ITGA10: variants seen among roughly 807,000 people sequenced by gnomAD.
ITGA10 encodes the protein integrin alpha-10.
ITGA10 carries 105 observed loss-of-function variants against 145.2 expected under a neutral mutation model. That is an observed-to-expected ratio of 0.72 (90% CI 0.62 to 0.85). The LOEUF (loss-of-function observed/expected upper bound fraction) is 0.85. Ranked by LOEUF, ITGA10 falls within the 40% of genes least tolerant of loss-of-function variation. The pLI, the probability that ITGA10 is intolerant of heterozygous loss-of-function variation, is 0.00. For synonymous variants in ITGA10, 506 were observed against 557.8 expected, an observed-to-expected ratio of 0.91 and a Z score of 1.31; for missense variants, 1,317 against 1,444.5, an observed-to-expected ratio of 0.91 and a Z score of 1.43.
At chr1:145,895,922 G>T in intron 25 of ITGA10, 61 bp downstream of exon 25, 3 of 1,332,208 alleles carry the variant, frequency 2.3e-6, no homozygotes, top group African/African-American at 1.4e-5. Flanking sequence ...GTGGTGTCCA[G>T]CTTCAGTGAG....
At position 145,901,086 on chromosome 1, in the gene ITGA10, T is replaced by C. The variant is rs587630215; in HGVS notation, c.1587+49A>G. ...TGTGCACCTTCCCTCCTTTCCTCCC[T>C]CCACCCCCACAATGCAAGTCCAGGG... is the stretch of plus-strand genomic sequence containing the variant. On this transcript the variant is annotated intron_variant, in intron 13 of 29. Transcript: ENST00000369304. This position sits in a 1 kb window ranked among gnomAD's most constrained non-coding sequence, Gnocchi z 4.3. 1.9e-6 allele frequency: 3 copies of C among 1,612,840 alleles called. No homozygotes were observed. Among genetic ancestry groups the C allele is most frequent in the African/African-American group, 1.3e-5 (1 of 74,922 alleles).
rs1385807904 is a variant in ITGA10 at position 145,902,036 on chromosome 1, C to T, written c.1150-15G>A. 6 of 1,613,530 alleles carry T rather than the reference C, an allele frequency of 3.7e-6. No homozygotes were observed. Among genetic ancestry groups the T allele is most frequent in the Non-Finnish European group, 5.1e-6 (6 of 1,179,838 alleles). On this transcript the variant is annotated splice_polypyrimidine_tract_variant and intron_variant, in intron 10 of 29. Coordinates refer to ENST00000369304, the MANE Select transcript of ITGA10 (RefSeq NM_003637.5). ...AGAATCCCATCCTGTGGGACAGAAGCAGATGGGGTCACTGAGAAGACAGTG... is the reference window on the plus strand; with the variant it reads ...AGAATCCCATCCTGTGGGACAGAAGTAGATGGGGTCACTGAGAAGACAGTG...
chr1:145,902,767 C>T (rs1553749440), intron 8 of ITGA10, 44 bp downstream of exon 8: 6 of 1,580,208 alleles, frequency 3.8e-6, no homozygotes, highest in South Asian at 1.2e-5. Flanking sequence ...GACACTGCCC[C>T]CCTGCCACTC....
At chr1:145,893,469 C>T (rs1202160823) in intron 28 of ITGA10, 71 bp downstream of exon 28, 20 of 1,262,842 alleles carry the variant, frequency 1.6e-5, no homozygotes, top group African/African-American at 4.4e-5. Flanking sequence ...TCTGAAAAAG[C>T]CCACGGGTGG....
chr1:145,907,400 C>T lies in ITGA10; in HGVS notation c.118G>A (p.Glu40Lys), dbSNP rs782506256. The T allele has an allele frequency of 1.2e-6, 2 of 1,614,070 alleles. No individual in the cohort carries two copies. Among genetic ancestry groups the T allele is most frequent in the Non-Finnish European group, 1.7e-6 (2 of 1,180,036 alleles). Residue 40 changes from glutamate (E) to lysine (K), a missense_variant, in exon 2 of 30, where the codon GAA becomes AAA. Transcript: ENST00000369304. ...PRLFPGPPEAEFGYSVLQHVG... is the reference protein window; with the variant it reads ...PRLFPGPPEAKFGYSVLQHVG... ...TGTTGTAAGACACTGTATCCAAATT[C>T]AGCTTCTGGTGGCCCTGGGAATAGG...
intron 25 of ITGA10, 99 bp downstream of exon 25, chr1:145,895,884 G>A (rs1655322877): frequency 1.9e-6 from 2 of 1,065,316 alleles, no homozygotes; most frequent in Non-Finnish European, 2.8e-6. Flanking sequence ...AGCCCCAAGA[G>A]CAGAGGCCCA....
chr1:145,897,218 C>A, intron 21 of ITGA10, 29 bp downstream of exon 21: 2 of 1,607,638 alleles, frequency 1.2e-6, no homozygotes, highest in African/African-American at 1.3e-5. Context: ...CCTCCTAGAG[C>A]CCTCTTTTCA....
intron 5 of ITGA10, 125 bp downstream of exon 5, chr1:145,906,269 C>A: frequency 1.5e-6 from 1 of 680,068 alleles, no homozygotes; most frequent in Non-Finnish European, 2.5e-6. Flanking sequence ...CTTTTGCAAG[C>A]ACATTAGGTA....
chr1:145,898,031 T>TCTGAAGA, intron 18 of ITGA10, 79 bp downstream of exon 18: 1 of 1,309,044 alleles, frequency 7.6e-7, no homozygotes, highest in Non-Finnish European at 1.1e-6. Context: ...CACCATGATC[T>TCTGAAGA]CATGTCTTCT....
At chr1:145,898,045 TCC>T in intron 18 of ITGA10, 63 bp downstream of exon 18, 1 of 1,344,752 alleles carries the variant, frequency 7.4e-7, no homozygotes, top group Non-Finnish European at 1.1e-6. Context: ...GTCTTCTCCC[TCC>T]CTCCCTTTTC....
Position 145,897,043 on chromosome 1 carries a change from C to T in ITGA10, c.2712G>A (p.Leu904=), listed in dbSNP as rs1195480377. 2 of 1,613,998 alleles carry T rather than the reference C, an allele frequency of 1.2e-6. No individual in the cohort carries two copies. Among genetic ancestry groups the T allele is most frequent in the Non-Finnish European group, 8.5e-7 (1 of 1,179,996 alleles). ...CAGTCAGCTTCACGAAGACCTGGCT[C>T]AGGAGAGAGGAGCAGCTAAACTCAA... ...LEFEFSCSSL[L]SQVFVKLTAS... is the part of the protein sequence containing the mutation. The change falls in exon 22 of 30, where the codon CTG becomes CTA. Residue 904 remains leucine, a synonymous_variant. Coordinates refer to ENST00000369304, the MANE Select transcript of ITGA10 (RefSeq NM_003637.5).
Position 145,893,262 on chromosome 1 carries a change from C to T in ITGA10, c.3337G>A (p.Val1113Met), listed in dbSNP as rs1553743793. ...ASRWSESLLE[V>M]VQTRPILISL... ...ATGAGGATAGGCCGGGTCTGAACCA[C>T]CTCCAAGAGGCTCTGCGTGGACAGA... Residue 1113 changes from valine to methionine, a missense_variant, in exon 29 of 30, where the codon GTG becomes ATG. Coordinates refer to ENST00000369304, the MANE Select transcript of ITGA10 (RefSeq NM_003637.5). The T allele has an allele frequency of 1.2e-6, 2 of 1,613,024 alleles. No individual in the cohort carries two copies. The highest frequency in any genetic ancestry group is 3.3e-5 in the Admixed American group (2 of 60,030).
chr1:145,908,848 C>T (rs1657486408), intron 1 of ITGA10, among the ~76,000 whole-genome samples: 1 of 152,066 alleles, frequency 6.6e-6, no homozygotes, highest in South Asian at 2.1e-4. Context: ...GAGTTCTGAC[C>T]ACATAGTTAG....
Position 145,902,035 on chromosome 1 carries a change from G to A in ITGA10, c.1150-14C>T. On this transcript the variant is annotated splice_polypyrimidine_tract_variant and intron_variant, in intron 10 of 29. Transcript: ENST00000369304. ...AAGAATCCCATCCTGTGGGACAGAAGCAGATGGGGTCACTGAGAAGACAGT... is the reference window on the plus strand; with the variant it reads ...AAGAATCCCATCCTGTGGGACAGAAACAGATGGGGTCACTGAGAAGACAGT... 1 of 1,613,832 alleles carries A rather than the reference G, an allele frequency of 6.2e-7. No individual in the cohort carries two copies. Among genetic ancestry groups the A allele is most frequent in the Non-Finnish European group, 8.5e-7 (1 of 1,179,910 alleles).
intron 17 of ITGA10, among the ~76,000 whole-genome samples, chr1:145,898,530 G>A (rs1239745649): frequency 4.0e-5 from 6 of 151,742 alleles, no homozygotes; most frequent in Non-Finnish European, 5.9e-5. Flanking sequence ...CACCACGCCC[G>A]GCTAATTTTT....
chr1:145,902,451 C>T lies in ITGA10; in HGVS notation c.1075+3G>A. The T allele has an allele frequency of 6.2e-7, 1 of 1,610,350 alleles. No homozygotes were observed. Among genetic ancestry groups the T allele is most frequent in the Non-Finnish European group, 8.5e-7 (1 of 1,178,106 alleles). On this transcript the variant is annotated splice_donor_region_variant and intron_variant, in intron 9 of 29. Coordinates refer to ENST00000369304, the MANE Select transcript of ITGA10 (RefSeq NM_003637.5). ...CTGTCCATTTCTCCAGAGTAATCCT[C>T]ACCTTCAAGGCCAAAAATCCGATCT...
At position 145,902,453 on chromosome 1, in the gene ITGA10, C is replaced by T. The variant is rs1656477929; in HGVS notation, c.1075+1G>A. 2 of 1,610,390 alleles carry T rather than the reference C, an allele frequency of 1.2e-6. No homozygotes were observed. The highest frequency in any genetic ancestry group is 1.7e-6 in the Non-Finnish European group (2 of 1,178,142). Reference sequence around the variant, plus strand: ...GTCCATTTCTCCAGAGTAATCCTCACCTTCAAGGCCAAAAATCCGATCTCC... The same window carrying T: ...GTCCATTTCTCCAGAGTAATCCTCATCTTCAAGGCCAAAAATCCGATCTCC... On this transcript the variant is annotated splice_donor_variant, in intron 9 of 29. Coordinates refer to ENST00000369304, the MANE Select transcript of ITGA10 (RefSeq NM_003637.5). LOFTEE classifies it high-confidence loss of function.
intron 8 of ITGA10, 94 bp from the exon 9 acceptor site, chr1:145,902,713 T>C: frequency 6.5e-7 from 1 of 1,538,936 alleles, no homozygotes; most frequent in Non-Finnish European, 8.8e-7. Context: ...AAGTAGTTAA[T>C]GCCCTTGTTT....
chr1:145,894,866 G>A (rs782579061), intron 27 of ITGA10, among the ~76,000 whole-genome samples: 6 of 152,134 alleles, frequency 3.9e-5, no homozygotes, highest in Non-Finnish European at 7.3e-5. Flanking sequence ...TATTCTCAGT[G>A]TCAACCTAAT....
Sources: gnomAD v4.1 joint callset for allele counts (sites outside exome capture counted in the v4.1 genomes callset) on GRCh38, gnomAD v4.1.1 for gene constraint, Gnocchi (gnomAD v3.1) non-coding constraint, MANE v1.5 for transcripts, NCBI Gene and HGNC (gene_info 2026-07-23, HGNC 2026-07-21) for gene names.